PRDM6: variants seen among roughly 807,000 people sequenced by gnomAD.
PRDM6 encodes putative histone-lysine N-methyltransferase PRDM6.
A neutral mutation model predicts 60.8 loss-of-function variants in PRDM6; 25 were observed. The ratio of observed to expected loss-of-function variants is 0.41; its 90% CI spans 0.30 to 0.57. The LOEUF (loss-of-function observed/expected upper bound fraction) is 0.57, where lower values mean the gene tolerates loss of function less well. Among genes scored for constraint, PRDM6 ranks in the 20% least tolerant of loss-of-function variants. PRDM6 has a pLI of 0.27. For synonymous variants in PRDM6, 407 were observed against 357.4 expected (o/e 1.14, Z -1.57); for missense variants, 839 against 821.3 (o/e 1.02, Z -0.26).
intron 3 of PRDM6, among the ~76,000 whole-genome samples, chr5:123,130,075 C>G (rs967074306): frequency 1.6e-5 from 2 of 127,176 alleles, no homozygotes; most frequent in Non-Finnish European, 3.4e-5. Flanking sequence ...CCTTCCCTTC[C>G]TTTCCTTTCT....
At chr5:123,091,361 G>A (rs1307558416) in intron 2 of PRDM6, among the ~76,000 whole-genome samples, 1 of 152,152 alleles carries the variant, frequency 6.6e-6, no homozygotes, top group Non-Finnish European at 1.5e-5. Flanking sequence ...ACCCATGTTG[G>A]TTTATGTATT....
At chr5:123,115,678 CTCA>C (rs896327502) in intron 3 of PRDM6, among the ~76,000 whole-genome samples, 14 of 152,112 alleles carry the variant, frequency 9.2e-5, no homozygotes, top group Admixed American at 3.3e-4. Flanking sequence ...GCTGCTTGTC[CTCA>C]TCATAAAACC....
At chr5:123,185,424 G>A (rs530596613) in intron 7 of PRDM6, among the ~76,000 whole-genome samples, 2 of 152,032 alleles carry the variant, frequency 1.3e-5, no homozygotes, top group Non-Finnish European at 2.9e-5. Flanking sequence ...TCAGCAGTTC[G>A]CTAACGTGTC....
rs986009086 is a variant in PRDM6 at position 123,175,700 on chromosome 5, G to C, written c.1497-4447G>C. ...CTTGGGCTGGCTGATGTTGAACAAGGAGAGATTGTGGCCCCAACTGAACAA... is the reference window on the plus strand; with the variant it reads ...CTTGGGCTGGCTGATGTTGAACAAGCAGAGATTGTGGCCCCAACTGAACAA... On this transcript the variant is annotated intron_variant, in intron 6 of 7. Coordinates refer to ENST00000407847, the MANE Select transcript of PRDM6 (RefSeq NM_001136239.4). Among the ~76,000 whole-genome samples the C allele has an allele frequency of 2.6e-5, 4 of 152,204 alleles. No individual in the cohort carries two copies. The South Asian group carries it at 8.3e-4, about 32-fold the overall frequency.
At chr5:123,153,065 C>T (rs1765405490) in intron 3 of PRDM6, among the ~76,000 whole-genome samples, 1 of 152,084 alleles carries the variant, frequency 6.6e-6, no homozygotes, top group Non-Finnish European at 1.5e-5. Context: ...GCAGCAACAA[C>T]AATCACAAAA....
chr5:123,136,825 C>T lies in PRDM6; in HGVS notation c.901-19059C>T, dbSNP rs1014025103. Among the ~76,000 whole-genome samples, 32 of 147,686 alleles carry T rather than the reference C, an allele frequency of 2.2e-4. 2 individuals are homozygous for T. The highest frequency in any genetic ancestry group is 7.4e-5 in the Non-Finnish European group (5 of 67,116). ...TTTCAGCGTTCTCTCTCTGTCTCAC[C>T]CACTGCTCTCCTCACTTCCCAGAGT... On this transcript the variant is annotated intron_variant, in intron 3 of 7. Coordinates refer to ENST00000407847, the MANE Select transcript of PRDM6 (RefSeq NM_001136239.4).
At chr5:123,176,279 A>C (rs917909510) in intron 6 of PRDM6, among the ~76,000 whole-genome samples, 2 of 150,866 alleles carry the variant, frequency 1.3e-5, no homozygotes, top group South Asian at 2.1e-4. Flanking sequence ...GTAAAAAAAA[A>C]AAAACAAAAA....
At chr5:123,120,760 C>G (rs1764562136) in intron 3 of PRDM6, among the ~76,000 whole-genome samples, 1 of 152,108 alleles carries the variant, frequency 6.6e-6, no homozygotes, top group South Asian at 2.1e-4. Context: ...GTTAAATGGA[C>G]AAGTCAGAAT....
Position 123,130,806 on chromosome 5 carries a change from A to G in PRDM6, c.901-25078A>G, listed in dbSNP as rs1443198816. 2.6e-5 allele frequency among the ~76,000 whole-genome samples: 4 copies of G among 152,306 alleles called. No individual in the cohort carries two copies. In the East Asian group the frequency reaches 7.7e-4, roughly 29 times the overall value. The stretch of plus-strand genomic sequence containing the variant: ...GGTCTCGAACTCCTGACCTCAGGTG[A>G]TCCGCCTGCCTCGGCCTCCCAAAGT... On this transcript the variant is annotated intron_variant, in intron 3 of 7. Coordinates refer to ENST00000407847, the MANE Select transcript of PRDM6 (RefSeq NM_001136239.4).
intron 3 of PRDM6, among the ~76,000 whole-genome samples, chr5:123,128,914 T>G (rs1764755479): frequency 6.6e-6 from 1 of 152,248 alleles, no homozygotes; most frequent in South Asian, 2.1e-4. Context: ...ATGTAAGTCT[T>G]TAATCCATCT....
chr5:123,170,967 G>A lies in PRDM6; in HGVS notation c.1355G>A (p.Arg452Gln), dbSNP rs1765878237. 8 of 1,551,792 alleles carry A rather than the reference G, an allele frequency of 5.2e-6. No individual in the cohort carries two copies. Among genetic ancestry groups the A allele is most frequent in the Middle Eastern group, 1.7e-4 (1 of 5,992 alleles). The change falls in exon 6 of 8, where the codon CGA becomes CAA. Residue 452 changes from arginine to glutamine, a missense_variant. This residue lies in a region of PRDM6 where 730 missense variants were observed against 648.8 expected (regional missense o/e 1.13). Coordinates refer to ENST00000407847, the MANE Select transcript of PRDM6 (RefSeq NM_001136239.4). ...AATCAAATCAACGTGAAAAACCAGC[G>A]AGTCCTGGCAAGCCCAACTTCCACA... ...GFNQINVKNQ[R>Q]VLASPTSTSQ... is the part of the protein sequence containing the mutation.
At chr5:123,142,536 A>G (rs1360601341) in intron 3 of PRDM6, among the ~76,000 whole-genome samples, 3 of 152,200 alleles carry the variant, frequency 2.0e-5, no homozygotes, top group East Asian at 1.9e-4. Context: ...TAATGTGATT[A>G]TATGTTTTCT....
At position 123,091,940 on chromosome 5, in the gene PRDM6, G is replaced by GA. The variant is rs34401743; in HGVS notation, c.592+1344dup. On this transcript the variant is annotated intron_variant, in intron 2 of 7. Transcript: ENST00000407847. Reference sequence around the variant, plus strand: ...GGATTCCCTAAGTCGTTGATTTGATGAAAAAAAAAACACTGGGCAACTGCC... The same window carrying GA: ...GGATTCCCTAAGTCGTTGATTTGATGAAAAAAAAAAACACTGGGCAACTGCC... 1.0e-3 allele frequency among the ~76,000 whole-genome samples: 152 copies of GA among 149,778 alleles called. 1 individual carries two copies. The Middle Eastern group carries it at 0.01, about 10-fold the overall frequency.
chr5:123,143,470 CT>C (rs566667261), intron 3 of PRDM6, among the ~76,000 whole-genome samples: 28 of 152,174 alleles, frequency 1.8e-4, no homozygotes, highest in Non-Finnish European at 3.7e-4. Context: ...TCTTTGGGGT[CT>C]GATGTGAGCC....
At chr5:123,146,322 A>T (rs1045713880) in intron 3 of PRDM6, among the ~76,000 whole-genome samples, 1 of 152,234 alleles carries the variant, frequency 6.6e-6, no homozygotes, top group African/African-American at 2.4e-5. Flanking sequence ...TGCACGAGGC[A>T]TATGGAGATT....
chr5:123,155,758 A>C (rs1243078333), intron 3 of PRDM6, 126 bp from the exon 4 acceptor site: 9 of 1,013,852 alleles, frequency 8.9e-6, no homozygotes, highest in Non-Finnish European at 1.1e-5. Flanking sequence ...CACAAGCATC[A>C]ATAAGCACTA....
intron 3 of PRDM6, among the ~76,000 whole-genome samples, chr5:123,114,206 T>C (rs1044538509): frequency 1.3e-5 from 2 of 152,210 alleles, no homozygotes; most frequent in Non-Finnish European, 2.9e-5. Context: ...CAGCCTTTCA[T>C]TGGTGGGGCT....
chr5:123,098,949 G>C (rs1009323013), intron 2 of PRDM6, among the ~76,000 whole-genome samples: 2 of 151,092 alleles, frequency 1.3e-5, no homozygotes, highest in African/African-American at 2.4e-5. Context: ...CTGCTCTACC[G>C]GGCTGCAGGC....
At chr5:123,111,696 A>G (rs1764318102) in intron 3 of PRDM6, among the ~76,000 whole-genome samples, 1 of 104,748 alleles carries the variant, frequency 9.5e-6, no homozygotes, top group Non-Finnish European at 2.2e-5. Flanking sequence ...AGAAAACAAA[A>G]CAAAACAAAA....
Sources: allele counts gnomAD v4.1 joint callset (sites outside exome capture counted in the v4.1 genomes callset), GRCh38; gene constraint gnomAD v4.1.1; regional missense constraint gnomAD v4.1.1; transcripts MANE v1.5; gene names NCBI Gene and HGNC (gene_info 2026-07-23, HGNC 2026-07-21).